Variants in GSE1 observed in about 807,000 individuals in gnomAD.
The protein encoded by GSE1 is genetic suppressor element 1.
GSE1 carries 32 observed loss-of-function variants against 112.6 expected under a neutral mutation model. That is an observed-to-expected ratio of 0.28 (90% CI 0.21 to 0.38). The LOEUF (loss-of-function observed/expected upper bound fraction) is 0.38, where lower values mean the gene tolerates loss of function less well. Ranked by LOEUF, GSE1 falls within the 10% of genes least tolerant of loss-of-function variation. GSE1 has a pLI of 1.00. For synonymous variants in GSE1, 1,115 were observed against 735.6 expected (o/e 1.52, Z -8.35); for missense variants, 2,348 against 1,699.2 (o/e 1.38, Z -6.71).
chr16:85,266,636 A>C (rs551940714), intron 1 of GSE1, among the ~76,000 whole-genome samples: 18 of 151,290 alleles, frequency 1.2e-4, no homozygotes, highest in Non-Finnish European at 2.1e-4. Flanking sequence ...GCCCCTTCCT[A>C]GTCCTTTTAC....
intron 2 of GSE1, among the ~76,000 whole-genome samples, chr16:85,641,478 C>T (rs1039025713): frequency 3.3e-5 from 5 of 150,138 alleles, no homozygotes; most frequent in South Asian, 2.1e-4. Context: ...GGACGCAGGC[C>T]GCGGGTCGGG....
intron 2 of GSE1, among the ~76,000 whole-genome samples, chr16:85,428,133 C>T (rs1028516647): frequency 1.3e-5 from 2 of 152,180 alleles, no homozygotes; most frequent in African/African-American, 4.8e-5. Flanking sequence ...TGGTGCATCT[C>T]GCCCACCCTT....
chr16:85,665,667 C>G (rs755554310), intron 12 of GSE1, among the ~76,000 whole-genome samples: 3 of 152,236 alleles, frequency 2.0e-5, no homozygotes, highest in African/African-American at 7.2e-5. Context: ...TCCTCGGCCC[C>G]TCACACACTC....
At chr16:85,526,176 C>G (rs1227588773) in intron 2 of GSE1, among the ~76,000 whole-genome samples, 2 of 152,242 alleles carry the variant, frequency 1.3e-5, no homozygotes, top group Non-Finnish European at 2.9e-5. Context: ...CTGTGCTCAG[C>G]AGCAAAAGAC....
intron 2 of GSE1, among the ~76,000 whole-genome samples, chr16:85,494,600 T>G: frequency 6.6e-6 from 1 of 152,080 alleles, no homozygotes; most frequent in Admixed American, 6.6e-5. Flanking sequence ...GAGAGGGTTT[T>G]GCCATGTTGC....
chr16:85,183,116 C>T (rs1484748590), intron 1 of GSE1, among the ~76,000 whole-genome samples: 1 of 152,180 alleles, frequency 6.6e-6, no homozygotes, highest in East Asian at 1.9e-4. Context: ...CACACCTGTA[C>T]CCTCACCCCC....
intron 1 of GSE1, among the ~76,000 whole-genome samples, chr16:85,205,564 T>C (rs1006228198): frequency 7.9e-5 from 12 of 152,188 alleles, no homozygotes; most frequent in Non-Finnish European, 1.3e-4. Flanking sequence ...ACTTTTTTTT[T>C]CCTTCCCTAG....
intron 2 of GSE1, among the ~76,000 whole-genome samples, chr16:85,361,694 G>A (rs1387995875): frequency 6.6e-6 from 1 of 152,220 alleles, no homozygotes; most frequent in East Asian, 1.9e-4. Context: ...TTTTGCCAGG[G>A]AAAGGAAGCA....
At chr16:85,415,449 A>G (rs1183841605) in intron 2 of GSE1, among the ~76,000 whole-genome samples, 2 of 152,198 alleles carry the variant, frequency 1.3e-5, no homozygotes, top group Admixed American at 6.5e-5. Context: ...GGGGTTTGCT[A>G]CGGCAAACTT....
At position 85,190,843 on chromosome 16, in the gene GSE1, G is replaced by T. The variant is rs55997257; in HGVS notation, c.2283+19036G>T. 4.1e-3 allele frequency among the ~76,000 whole-genome samples: 624 copies of T among 152,368 alleles called. 4 individuals carry two copies. The highest frequency in any genetic ancestry group is 0.014 in the African/African-American group (593 of 41,594). On this transcript the variant is annotated intron_variant, in intron 1 of 2. Coordinates refer to the GSE1 transcript ENST00000637419. ...AGGGCACAAAGGGCGGACTCACCAGGGTGGGGCTGATGGTGAGCAGCATCC... is the reference window on the plus strand; with the variant it reads ...AGGGCACAAAGGGCGGACTCACCAGTGTGGGGCTGATGGTGAGCAGCATCC...
chr16:85,179,845 G>A (rs567184987), intron 1 of GSE1, among the ~76,000 whole-genome samples: 7 of 152,326 alleles, frequency 4.6e-5, no homozygotes, highest in African/African-American at 1.4e-4. Context: ...GAAGCCTTGG[G>A]TTATGGCCCC....
At chr16:85,565,043 C>T (rs1222615081) in intron 1 of GSE1, among the ~76,000 whole-genome samples, 2 of 152,000 alleles carry the variant, frequency 1.3e-5, no homozygotes, top group South Asian at 2.1e-4. Flanking sequence ...GTCATCAAGC[C>T]GGTGACACAT....
chr16:85,196,895 G>C (rs1242637720), intron 1 of GSE1, among the ~76,000 whole-genome samples: 1 of 151,990 alleles, frequency 6.6e-6, no homozygotes. Context: ...CTGGGCTTGG[G>C]TTTCTCCCCT....
At chr16:85,306,644 G>A (rs1023266581) in intron 1 of GSE1, among the ~76,000 whole-genome samples, 3 of 152,138 alleles carry the variant, frequency 2.0e-5, no homozygotes, top group African/African-American at 7.2e-5. Context: ...ATCCTCCTGG[G>A]TTCAAGCGAT....
intron 2 of GSE1, among the ~76,000 whole-genome samples, chr16:85,499,431 C>A (rs1456272190): frequency 4.0e-5 from 6 of 149,658 alleles, no homozygotes; most frequent in Non-Finnish European, 8.9e-5. Flanking sequence ...CTGCCTCAGC[C>A]TCCCAAGTAG....
intron 1 of GSE1, among the ~76,000 whole-genome samples, chr16:85,178,768 C>A (rs2074520117): frequency 6.6e-6 from 1 of 151,128 alleles, no homozygotes; most frequent in African/African-American, 2.4e-5. Flanking sequence ...TGGTGGCCAG[C>A]AGAGTGGCCG....
upstream of GSE1, among the ~76,000 whole-genome samples, chr16:85,607,660 C>G (rs1236094319): frequency 6.6e-6 from 1 of 152,302 alleles, no homozygotes; most frequent in South Asian, 2.1e-4. Context: ...GGGTGGGGCT[C>G]CCCCAGCATC....
At position 85,655,833 on chromosome 16, in the gene GSE1, C is replaced by G. The variant is rs376242396; in HGVS notation, c.905C>G (p.Ser302Cys). 1.2e-6 allele frequency: 2 copies of G among 1,610,936 alleles called. No individual in the cohort carries two copies. The highest frequency in any genetic ancestry group is 1.1e-5 in the South Asian group (1 of 91,058). Residue 302 changes from serine (S) to cysteine (C), a missense_variant, in exon 6 of 16, where the codon TCT becomes TGT. Coordinates refer to ENST00000253458, the MANE Select transcript of GSE1 (RefSeq NM_014615.5). ...LHPSAMHLHL[S>C]GVRYPPELSH... Reference sequence around the variant, plus strand: ...CCATCAGCGATGCACCTGCACCTCTCTGGGGTCCGCTACCCTCCCGAGCTC... The same window carrying G: ...CCATCAGCGATGCACCTGCACCTCTGTGGGGTCCGCTACCCTCCCGAGCTC...
intron 1 of GSE1, among the ~76,000 whole-genome samples, chr16:85,221,630 G>C (rs117554514): frequency 6.6e-6 from 1 of 152,276 alleles, no homozygotes; most frequent in East Asian, 1.9e-4. Context: ...ATCCCCTGAC[G>C]AGGCCAGGAC....
Sources: gnomAD v4.1 joint callset for allele counts (sites outside exome capture counted in the v4.1 genomes callset) on GRCh38, gnomAD v4.1.1 for gene constraint, MANE v1.5 for transcripts, NCBI Gene and HGNC (gene_info 2026-07-23, HGNC 2026-07-21) for gene names.